Variants in JCAD observed in about 807,000 individuals in gnomAD.
JCAD encodes the protein junctional cadherin 5-associated protein.
In JCAD, 40 loss-of-function variants were observed where a neutral mutation model predicts 98.0. The ratio of observed to expected loss-of-function variants is 0.41; its 90% CI spans 0.32 to 0.53. JCAD has a LOEUF of 0.53. Ranked by LOEUF, JCAD falls within the 20% of genes least tolerant of loss-of-function variation. The probability of loss-of-function intolerance (pLI) is 0.31; values close to 1 mark genes in which losing one functional copy is unlikely to be tolerated. For missense variants in JCAD, 1,705 were observed against 1,738.1 expected (o/e 0.98, Z 0.34); for synonymous variants, 691 against 682.3 (o/e 1.01, Z -0.20).
intron 1 of JCAD, among the ~76,000 whole-genome samples, chr10:30,104,676 A>T (rs1039176165): frequency 6.6e-6 from 1 of 152,182 alleles, no homozygotes; most frequent in Non-Finnish European, 1.5e-5. Context: ...GCATCCCACA[A>T]TACACCCATG....
intron 1 of JCAD, among the ~76,000 whole-genome samples, chr10:30,113,604 C>A (rs1471716769): frequency 2.4e-5 from 3 of 126,028 alleles, no homozygotes; most frequent in Non-Finnish European, 4.9e-5. Context: ...GAAGGAAGCA[C>A]AAAACAGACA....
At chr10:30,108,851 TAAA>T (rs796575445) in intron 1 of JCAD, among the ~76,000 whole-genome samples, 2 of 140,508 alleles carry the variant, frequency 1.4e-5, no homozygotes, top group Non-Finnish European at 1.6e-5. Context: ...TGCTCAAGAT[TAAA>T]AAAAAAAAAA....
rs183955128 is a variant in JCAD, at chr10:30,105,214, T to G, written n.128+10153A>C. Among the ~76,000 whole-genome samples the G allele has an allele frequency of 4.8e-3, 724 of 152,272 alleles. 2 individuals carry two copies. The highest frequency in any genetic ancestry group is 0.011 in the Admixed American group (169 of 15,288). On this transcript the variant is annotated intron_variant and non_coding_transcript_variant, in intron 1 of 2. Coordinates refer to the JCAD transcript ENST00000465712. ...TGCATGAGAGAGGTGAAAATAATTT[T>G]TCAACATCCCTATAATGGCAGATAT...
At chr10:30,104,456 T>C (rs559144217) in intron 1 of JCAD, among the ~76,000 whole-genome samples, 130 of 152,080 alleles carry the variant, frequency 8.5e-4, no homozygotes, top group Middle Eastern at 3.4e-3. Flanking sequence ...GTCATTGTCC[T>C]AAACAAACTA....
rs117727765 is a variant in JCAD at position 30,102,971 on chromosome 10, C to A, written n.128+12396G>T. 3.7e-3 allele frequency among the ~76,000 whole-genome samples: 557 copies of A among 152,236 alleles called. 6 individuals carry two copies. Among genetic ancestry groups the A allele is most frequent in the East Asian group, 0.028 (147 of 5,172 alleles). On this transcript the variant is annotated intron_variant and non_coding_transcript_variant, in intron 1 of 2. Coordinates refer to the JCAD transcript ENST00000465712. ...TTGACAGCAGCATGGAAAAGACCCA[C>A]CCCCATGATTCAATTACCTCTTACC...
chr10:30,084,740 G>A (rs1465332843), intron 1 of JCAD, among the ~76,000 whole-genome samples: 1 of 152,114 alleles, frequency 6.6e-6, no homozygotes, highest in Non-Finnish European at 1.5e-5. Flanking sequence ...CAACTTGTCA[G>A]CCTCCATAAT....
chr10:30,092,064 A>T (rs2995275), intron 1 of JCAD, among the ~76,000 whole-genome samples: 1,555 of 18,788 alleles, frequency 0.083, 241 homozygotes, highest in African/African-American at 0.29. Context: ...AAAAAAAAAA[A>T]ATATATATAT....
chr10:30,042,394 CAGTACTCA>C (rs889833498), intron 2 of JCAD, among the ~76,000 whole-genome samples: 3 of 147,456 alleles, frequency 2.0e-5, no homozygotes, highest in African/African-American at 8.1e-5. Context: ...CACCCTAACC[CAGTACTCA>C]AGCATCCACC....
chr10:30,081,122 C>A (rs1055331724), intron 1 of JCAD, among the ~76,000 whole-genome samples: 3 of 152,190 alleles, frequency 2.0e-5, no homozygotes, highest in African/African-American at 7.2e-5. Flanking sequence ...CAAATGCCTC[C>A]TGAGGTTAAG....
At chr10:30,111,081 C>G (rs1838691652) in intron 1 of JCAD, among the ~76,000 whole-genome samples, 1 of 151,926 alleles carries the variant, frequency 6.6e-6, no homozygotes, top group Admixed American at 6.6e-5. Flanking sequence ...CTGATGTATG[C>G]CTCTACCCCC....
chr10:30,041,875 G>A (rs548548453), intron 2 of JCAD, among the ~76,000 whole-genome samples: 7 of 152,168 alleles, frequency 4.6e-5, no homozygotes, highest in Non-Finnish European at 8.8e-5. Flanking sequence ...TTTAATGGTC[G>A]TTAAGTATTA....
At chr10:30,033,788 G>T (rs1837052272) in intron 2 of JCAD, among the ~76,000 whole-genome samples, 1 of 152,188 alleles carries the variant, frequency 6.6e-6, no homozygotes, top group Non-Finnish European at 1.5e-5. Flanking sequence ...CCCTGCTGGG[G>T]CCTGGGCTGC....
intron 1 of JCAD, among the ~76,000 whole-genome samples, chr10:30,081,567 G>A (rs1031397711): frequency 6.6e-6 from 1 of 152,138 alleles, no homozygotes; most frequent in Non-Finnish European, 1.5e-5. Flanking sequence ...GAGTAGCTGG[G>A]TCTACAGGCA....
chr10:30,051,716 C>G (rs764080341), intron 1 of JCAD, among the ~76,000 whole-genome samples: 3 of 151,884 alleles, frequency 2.0e-5, no homozygotes, highest in Non-Finnish European at 4.4e-5. Flanking sequence ...GTGGATAGAG[C>G]GAGAACAGAT....
At chr10:30,072,449 A>T (rs1316472370) in intron 1 of JCAD, among the ~76,000 whole-genome samples, 1 of 152,252 alleles carries the variant, frequency 6.6e-6, no homozygotes, top group Non-Finnish European at 1.5e-5. Flanking sequence ...GATCTCATTC[A>T]TCACACCAGA....
intron 2 of JCAD, among the ~76,000 whole-genome samples, chr10:30,033,683 T>G (rs1217268333): frequency 3.3e-5 from 5 of 152,198 alleles, no homozygotes; most frequent in Admixed American, 3.3e-4. Flanking sequence ...AGTCTGCTTT[T>G]CAGCTGGTGG....
At chr10:30,100,677 C>A (rs3847405) in intron 1 of JCAD, among the ~76,000 whole-genome samples, 40,200 of 152,110 alleles carry the variant, frequency 0.26, 5,666 homozygotes, top group East Asian at 0.33. Flanking sequence ...AGCCACCCGA[C>A]CCTGGCCTAT....
chr10:30,050,306 C>T (rs1275512921), intron 1 of JCAD, among the ~76,000 whole-genome samples: 4 of 126,922 alleles, frequency 3.2e-5, no homozygotes, highest in African/African-American at 1.3e-4. Context: ...CACAGCAAGA[C>T]CCTGTCTCAA....
chr10:30,027,291 T>C lies in JCAD; in HGVS notation c.2857A>G (p.Ser953Gly). 2.5e-6 allele frequency: 4 copies of C among 1,614,172 alleles called. No homozygotes were observed. Among genetic ancestry groups the C allele is most frequent in the Non-Finnish European group, 3.4e-6 (4 of 1,180,050 alleles). ...ACCTCCAGGTGTCTCTTCTCTGCAC[T>C]CGTGCTTCCATCTGCTGAGCAGAAA... ...APFCSADGST[S>G]AEKRHLEVSN... Residue 953 changes from serine to glycine, a missense_variant, in exon 3 of 4, where the codon AGT (serine) becomes GGT (glycine). By Grantham distance (56) the Ser-to-Gly change is moderately conservative. Transcript: ENST00000375377.
Sources: gnomAD v4.1 joint callset for allele counts (sites outside exome capture counted in the v4.1 genomes callset) on GRCh38, gnomAD v4.1.1 for gene constraint, MANE v1.5 for transcripts, NCBI Gene and HGNC (gene_info 2026-07-23, HGNC 2026-07-21) for gene names.